LRMDA: variants seen among roughly 807,000 people sequenced by gnomAD.
LRMDA encodes the protein leucine-rich melanocyte differentiation-associated protein.
In LRMDA, 18 loss-of-function variants were observed where a neutral mutation model predicts 29.8. The observed-to-expected ratio is 0.60, with a 90% CI of 0.42 to 0.90. The LOEUF is 0.90. LRMDA is among the 40% of genes least tolerant of loss of function. The pLI is 0.00. For synonymous variants in LRMDA, 125 were observed against 109.4 expected (o/e 1.14, Z -0.89); for missense variants, 273 against 273.9 (o/e 1.00, Z 0.02).
At chr10:75,491,920 A>G (rs969847853) in intron 2 of LRMDA, among the ~76,000 whole-genome samples, 1 of 152,246 alleles carries the variant, frequency 6.6e-6, no homozygotes, top group Non-Finnish European at 1.5e-5. Flanking sequence ...TATGACAAGC[A>G]TAGGGTTGAT....
intron 5 of LRMDA, among the ~76,000 whole-genome samples, chr10:76,095,820 T>C (rs376867177): frequency 6.6e-6 from 1 of 152,206 alleles, no homozygotes; most frequent in African/African-American, 2.4e-5. Context: ...CACATCATCT[T>C]TGGTTAAAGT....
At chr10:75,738,577 C>G (rs1169617847) in intron 2 of LRMDA, among the ~76,000 whole-genome samples, 1 of 152,054 alleles carries the variant, frequency 6.6e-6, no homozygotes, top group African/African-American at 2.4e-5. Context: ...AATCAATGAC[C>G]AAAACGCCTT....
At chr10:76,191,146 G>A (rs771094980) in intron 5 of LRMDA, among the ~76,000 whole-genome samples, 4 of 152,166 alleles carry the variant, frequency 2.6e-5, no homozygotes, top group Admixed American at 6.6e-5. Context: ...GGTCACCTGC[G>A]AGTTTTTGTT....
intron 2 of LRMDA, among the ~76,000 whole-genome samples, chr10:75,845,647 A>G (rs1844621244): frequency 6.6e-6 from 1 of 152,202 alleles, no homozygotes. Context: ...GCCAGGACTC[A>G]GGCCATCAAT....
chr10:75,662,587 T>G (rs1841768159), intron 2 of LRMDA, among the ~76,000 whole-genome samples: 1 of 152,232 alleles, frequency 6.6e-6, no homozygotes, highest in South Asian at 2.1e-4. Flanking sequence ...GTTTTCCGGC[T>G]TTGTTATTTA....
intron 6 of LRMDA, among the ~76,000 whole-genome samples, chr10:76,429,501 A>G (rs1842168247): frequency 6.6e-6 from 1 of 152,134 alleles, no homozygotes; most frequent in Admixed American, 6.5e-5. Context: ...GATGATTATT[A>G]TTCCTCTTGT....
chr10:75,668,839 T>A (rs557548951), intron 2 of LRMDA, among the ~76,000 whole-genome samples: 4 of 152,222 alleles, frequency 2.6e-5, no homozygotes, highest in Non-Finnish European at 2.9e-5. Flanking sequence ...AATTGGAAAT[T>A]GCTGCTTTGC....
At chr10:75,741,108 C>A (rs1842823353) in intron 2 of LRMDA, among the ~76,000 whole-genome samples, 1 of 152,168 alleles carries the variant, frequency 6.6e-6, no homozygotes. Context: ...AGAAACCCAG[C>A]AAGCCTGCCT....
intron 3 of LRMDA, among the ~76,000 whole-genome samples, chr10:76,041,633 G>A (rs987579973): frequency 2.6e-5 from 4 of 152,090 alleles, no homozygotes; most frequent in African/African-American, 7.2e-5. Context: ...GGACAGCTTT[G>A]GACCCGCACA....
intron 2 of LRMDA, among the ~76,000 whole-genome samples, chr10:75,947,527 G>A (rs941972048): frequency 2.6e-5 from 4 of 152,202 alleles, no homozygotes; most frequent in African/African-American, 9.6e-5. Flanking sequence ...GCAGTAGAAG[G>A]GAAGGGGAGG....
chr10:76,293,160 T>C (rs538139753), intron 5 of LRMDA, among the ~76,000 whole-genome samples: 3 of 152,294 alleles, frequency 2.0e-5, no homozygotes, highest in East Asian at 3.9e-4. Flanking sequence ...TTTGTGTTTT[T>C]AGTAAAGTCA....
chr10:76,137,693 G>A (rs1313154353), intron 5 of LRMDA, among the ~76,000 whole-genome samples: 1 of 150,894 alleles, frequency 6.6e-6, no homozygotes, highest in East Asian at 2.0e-4. Flanking sequence ...AATGACTGAA[G>A]TCCATCGTAA....
chr10:75,719,739 T>C lies in LRMDA; in HGVS notation c.131+281245T>C, dbSNP rs74792402. On this transcript the variant is annotated intron_variant, in intron 2 of 6. Coordinates refer to ENST00000611255, the MANE Select transcript of LRMDA (RefSeq NM_001305581.2). The stretch of plus-strand genomic sequence containing the variant: ...GCCTCCTGTTGCCGTGGGATGGCCA[T>C]GGCCTACCCAGTCTGAGGGGACAGC... Among the ~76,000 whole-genome samples the C allele has an allele frequency of 9.6e-3, 1,466 of 152,274 alleles. 22 individuals carry two copies. The highest frequency in any genetic ancestry group is 0.033 in the African/African-American group (1,387 of 41,566).
chr10:76,277,909 G>T (rs1469215607), intron 5 of LRMDA, among the ~76,000 whole-genome samples: 2 of 152,080 alleles, frequency 1.3e-5, no homozygotes, highest in Non-Finnish European at 2.9e-5. Flanking sequence ...GTTTACTTTT[G>T]GGCTTTGGAT....
At chr10:76,153,220 C>A (rs1450057008) in intron 5 of LRMDA, among the ~76,000 whole-genome samples, 3 of 152,100 alleles carry the variant, frequency 2.0e-5, no homozygotes, top group Admixed American at 6.6e-5. Flanking sequence ...GGATACTAAA[C>A]CTTTATCAGA....
At chr10:75,455,838 A>G (rs918597664) in intron 2 of LRMDA, among the ~76,000 whole-genome samples, 3 of 152,234 alleles carry the variant, frequency 2.0e-5, no homozygotes, top group Non-Finnish European at 4.4e-5. Flanking sequence ...GAGGGAGGGC[A>G]GGATTTTCCA....
chr10:75,634,299 C>T (rs376679356), intron 2 of LRMDA, among the ~76,000 whole-genome samples: 29 of 152,276 alleles, frequency 1.9e-4, no homozygotes, highest in African/African-American at 6.5e-4. Context: ...TTTATTGGTG[C>T]CTTTTGTGAT....
Position 76,054,509 on chromosome 10 carries a change from T to G in LRMDA, c.399-4157T>G, listed in dbSNP as rs1247430735. On this transcript the variant is annotated intron_variant, in intron 4 of 6. Coordinates refer to ENST00000611255, the MANE Select transcript of LRMDA (RefSeq NM_001305581.2). ...GGCAAAATGACAATGTGCGGTCTGT[T>G]GTCATCATGGTTCCTGCCAGCCCCG... Among the ~76,000 whole-genome samples, 5 of 151,992 alleles carry G rather than the reference T, an allele frequency of 3.3e-5. No individual in the cohort carries two copies. The East Asian group carries it at 7.8e-4, about 24-fold the overall frequency.
intron 6 of LRMDA, among the ~76,000 whole-genome samples, chr10:76,328,616 A>T (rs2132403702): frequency 6.6e-6 from 1 of 152,266 alleles, no homozygotes; most frequent in East Asian, 1.9e-4. Flanking sequence ...TGGAAGGAAG[A>T]GTCAAAAAAG....
Sources: allele counts gnomAD v4.1 joint callset (sites outside exome capture counted in the v4.1 genomes callset), GRCh38; gene constraint gnomAD v4.1.1; transcripts MANE v1.5; gene names NCBI Gene and HGNC (gene_info 2026-07-23, HGNC 2026-07-21).